STK32B: variants seen among roughly 807,000 people sequenced by gnomAD.
The protein encoded by STK32B is serine/threonine kinase 32B, also known as serine/threonine-protein kinase 32B.
A neutral mutation model predicts 52.6 loss-of-function variants in STK32B; 43 were observed. The ratio of observed to expected loss-of-function variants is 0.82; its 90% confidence interval spans 0.64 to 1.05. The LOEUF is 1.05. STK32B is among the 50% of genes least tolerant of loss of function. The pLI is 0.00. For synonymous variants in STK32B, 238 were observed against 204.3 expected, an observed-to-expected ratio of 1.17 and a Z score of -1.41; for missense variants, 621 against 534.6, an observed-to-expected ratio of 1.16 and a Z score of -1.59.
intron 1 of STK32B, among the ~76,000 whole-genome samples, chr4:5,137,003 G>T (rs960511634): frequency 2.0e-5 from 3 of 152,210 alleles, no homozygotes; most frequent in Non-Finnish European, 4.4e-5. Flanking sequence ...GATGACATGG[G>T]TGAGTGGGAA....
chr4:5,464,091 G>C (rs1212961278), intron 9 of STK32B, among the ~76,000 whole-genome samples: 1 of 152,150 alleles, frequency 6.6e-6, no homozygotes, highest in Non-Finnish European at 1.5e-5. Flanking sequence ...CACGTGGCAG[G>C]AGCAGGAACA....
intron 1 of STK32B, among the ~76,000 whole-genome samples, chr4:5,108,016 A>G (rs1357121057): frequency 6.6e-6 from 1 of 152,192 alleles, no homozygotes; most frequent in Admixed American, 6.5e-5. Context: ...ATGCAACATT[A>G]CCAGGCCACA....
chr4:5,138,163 A>C (rs1560171088), intron 1 of STK32B, among the ~76,000 whole-genome samples: 1 of 152,204 alleles, frequency 6.6e-6, no homozygotes, highest in Non-Finnish European at 1.5e-5. Context: ...AATAAATCTA[A>C]ATCAAAGAAC....
At chr4:5,484,793 A>C (rs372168058) in intron 11 of STK32B, among the ~76,000 whole-genome samples, 9 of 152,160 alleles carry the variant, frequency 5.9e-5, no homozygotes, top group South Asian at 2.1e-4. Context: ...GGTGGTGACA[A>C]AATCTCTCAG....
chr4:5,294,698 T>C (rs1389168829), intron 3 of STK32B, among the ~76,000 whole-genome samples: 1 of 152,186 alleles, frequency 6.6e-6, no homozygotes, highest in Non-Finnish European at 1.5e-5. Context: ...TTTCTAAATA[T>C]ACAATCATGT....
At chr4:5,045,949 T>C in the STK32B span, among the ~76,000 whole-genome samples, 1 of 152,202 alleles carries the variant, frequency 6.6e-6, no homozygotes, top group Non-Finnish European at 1.5e-5. Context: ...CTATGTTGAA[T>C]AGGAGTCGAG....
At chr4:5,157,292 G>A (rs1254013861) in intron 2 of STK32B, among the ~76,000 whole-genome samples, 1 of 129,294 alleles carries the variant, frequency 7.7e-6, no homozygotes, top group African/African-American at 2.9e-5. Flanking sequence ...AGCTACCTGT[G>A]AGGATGTAAA....
At chr4:5,489,148 C>A (rs983988323) in intron 11 of STK32B, among the ~76,000 whole-genome samples, 33 of 151,994 alleles carry the variant, frequency 2.2e-4, no homozygotes, top group Non-Finnish European at 7.4e-5. Context: ...TTAAACATAA[C>A]CTTAAGATTT....
intron 5 of STK32B, among the ~76,000 whole-genome samples, chr4:5,412,000 A>T: frequency 6.6e-6 from 1 of 152,178 alleles, no homozygotes. Context: ...GTTTTGAAGA[A>T]TTAGTGAAAA....
chr4:5,480,211 C>T (rs1033161382), intron 11 of STK32B, among the ~76,000 whole-genome samples: 4 of 152,128 alleles, frequency 2.6e-5, no homozygotes, highest in African/African-American at 9.7e-5. Context: ...AATCAACACA[C>T]ACTGTTCACA....
At chr4:5,122,716 C>G (rs34671649) in intron 1 of STK32B, among the ~76,000 whole-genome samples, 1 of 152,060 alleles carries the variant, frequency 6.6e-6, no homozygotes. Flanking sequence ...CCTTTGCCAA[C>G]GCTTGGAGGA....
chr4:5,166,442 G>T (rs1232997236), intron 2 of STK32B, among the ~76,000 whole-genome samples: 1 of 149,166 alleles, frequency 6.7e-6, no homozygotes, highest in African/African-American at 2.5e-5. Context: ...TTTGGAAATG[G>T]CGTCATTTTA....
chr4:5,275,060 C>G (rs1727723196), intron 3 of STK32B, among the ~76,000 whole-genome samples: 1 of 152,194 alleles, frequency 6.6e-6, no homozygotes. Context: ...GCCCAAGATT[C>G]CATTCCTTGG....
intron 3 of STK32B, among the ~76,000 whole-genome samples, chr4:5,326,762 G>A (rs1218830275): frequency 2.0e-5 from 3 of 152,170 alleles, no homozygotes; most frequent in Admixed American, 1.3e-4. Flanking sequence ...GATCAGAGTG[G>A]TGGTTGCTGA....
rs746331341 is a variant in STK32B at position 5,398,486 on chromosome 4, C to T, written c.472+242C>T. Among the ~76,000 whole-genome samples, 22 of 152,270 alleles carry T rather than the reference C, an allele frequency of 1.4e-4. No individual in the cohort carries two copies. The highest frequency in any genetic ancestry group is 3.3e-4 in the Admixed American group (5 of 15,290). ...CTGAAGTCATTGCTGTTCATATCCC[C>T]GTGTGAGGAGGACAGGGCCGCCGTG... On this transcript the variant is annotated intron_variant, in intron 5 of 11. Transcript: ENST00000282908. The surrounding 1 kb of genome is among the most constrained non-coding windows in gnomAD (Gnocchi z 4.9).
intron 3 of STK32B, among the ~76,000 whole-genome samples, chr4:5,268,094 C>A (rs915120948): frequency 2.6e-5 from 4 of 152,144 alleles, no homozygotes; most frequent in Admixed American, 6.5e-5. Context: ...TCTGCTATTG[C>A]AGGGAAAGGT....
At chr4:5,147,697 TTTG>T (rs1379216539) in intron 2 of STK32B, among the ~76,000 whole-genome samples, 1 of 152,080 alleles carries the variant, frequency 6.6e-6, no homozygotes, top group Non-Finnish European at 1.5e-5. Flanking sequence ...TTCTCCATAT[TTTG>T]TTACTATGCT....
At chr4:5,495,315 T>A (rs887405039) in intron 11 of STK32B, among the ~76,000 whole-genome samples, 16 of 152,196 alleles carry the variant, frequency 1.1e-4, no homozygotes, top group Non-Finnish European at 2.1e-4. Flanking sequence ...TCTCACTTCA[T>A]TTCATTCAGT....
At chr4:5,448,823 T>C (rs1221131220) in intron 7 of STK32B, among the ~76,000 whole-genome samples, 1 of 152,246 alleles carries the variant, frequency 6.6e-6, no homozygotes, top group African/African-American at 2.4e-5. Context: ...GACTGGCTGC[T>C]TCTTTGACCC....
Sources: allele counts gnomAD v4.1 joint callset (sites outside exome capture counted in the v4.1 genomes callset), GRCh38; gene constraint gnomAD v4.1.1; non-coding constraint Gnocchi (gnomAD v3.1); transcripts MANE v1.5; gene names NCBI Gene and HGNC (gene_info 2026-07-23, HGNC 2026-07-21).